AKAP9: variants seen among roughly 807,000 people sequenced by gnomAD.
The protein encoded by AKAP9 is A-kinase anchoring protein 9, also known as A-kinase anchor protein 9.
AKAP9 carries 311 observed loss-of-function variants against 488.5 expected under a neutral mutation model. The observed-to-expected ratio is 0.64, with a 90% CI of 0.58 to 0.70. The LOEUF (loss-of-function observed/expected upper bound fraction) is 0.70, where lower values mean the gene tolerates loss of function less well. Ranked by LOEUF, AKAP9 falls within the 30% of genes least tolerant of loss-of-function variation. AKAP9 has a pLI of 0.00. For synonymous variants in AKAP9, 1,462 were observed against 1,483.5 expected, an observed-to-expected ratio of 0.99 and a Z score of 0.33; for missense variants, 4,215 against 4,374.5, an observed-to-expected ratio of 0.96 and a Z score of 1.03.
intron 1 of AKAP9, among the ~76,000 whole-genome samples, chr7:91,971,805 G>A (rs1424540896): frequency 2.0e-5 from 3 of 151,254 alleles, no homozygotes; most frequent in African/African-American, 4.9e-5. Context: ...TCCTGACCTC[G>A]TGATCCTCCC....
At position 92,000,948 on chromosome 7, in the gene AKAP9, A is replaced by G. The variant is rs1434530534; in HGVS notation, c.1031A>G (p.Lys344Arg). Residue 344 changes from lysine (K) to arginine (R), a missense_variant, in exon 8 of 50, where the codon AAA (lysine) becomes AGA (arginine). Transcript: ENST00000356239. ...ACAAAAATAATAGAAGAAGAAAAGA[A>G]AACTCTTGAGCTAAAGGATAAATTA... ...LNTKIIEEEK[K>R]TLELKDKLTT... The G allele has an allele frequency of 6.6e-7, 1 of 1,506,308 alleles. No homozygotes were observed. The highest frequency in any genetic ancestry group is 1.4e-5 in the African/African-American group (1 of 70,826). 93.3% of individuals were successfully genotyped at this position (1,506,308 alleles called of 1,614,324 possible).
chr7:92,039,025 C>A (rs968906014), intron 17 of AKAP9, among the ~76,000 whole-genome samples: 1 of 152,156 alleles, frequency 6.6e-6, no homozygotes, highest in Middle Eastern at 3.2e-3. Context: ...CCTGCCTCAG[C>A]CTCCTGAGTA....
rs765976119 is a variant in AKAP9, at chr7:92,022,253, A to G, written c.3853A>G (p.Thr1285Ala). Reference sequence around the variant, plus strand: ...TTTTCAATAGATCTGGGGACAGCAGACAGATGGTATGAAACTTGAATTTGG... The same window carrying G: ...TTTTCAATAGATCTGGGGACAGCAGGCAGATGGTATGAAACTTGAATTTGG... ...TRLSKIWGQQ[T>A]DGMKLEFGEE... Residue 1285 changes from threonine (T) to alanine (A), a missense_variant, in exon 13 of 50, where the codon ACA (threonine) becomes GCA (alanine). Coordinates refer to ENST00000356239, the MANE Select transcript of AKAP9 (RefSeq NM_005751.5). 3 of 1,611,956 alleles carry G rather than the reference A, an allele frequency of 1.9e-6. No homozygotes were observed. Among genetic ancestry groups the G allele is most frequent in the Non-Finnish European group, 2.5e-6 (3 of 1,178,124 alleles).
chr7:92,047,781 T>C (rs1450837014), intron 21 of AKAP9, among the ~76,000 whole-genome samples: 1 of 152,228 alleles, frequency 6.6e-6, no homozygotes, highest in African/African-American at 2.4e-5. Flanking sequence ...GAGAAAAAGC[T>C]AAATCCACAG....
At chr7:92,022,193 G>T (rs1472549746) in intron 12 of AKAP9, 45 bp from the exon 13 acceptor site, 1 of 1,412,142 alleles carries the variant, frequency 7.1e-7, no homozygotes, top group African/African-American at 1.4e-5. Flanking sequence ...CTAATTGCTG[G>T]ATTATGTATT....
chr7:92,068,365 C>CAAAAAAAAA (rs77237109), intron 26 of AKAP9, among the ~76,000 whole-genome samples: 6 of 46,506 alleles, frequency 1.3e-4, no homozygotes, highest in Non-Finnish European at 1.9e-4. Flanking sequence ...GACTCCGTCT[C>CAAAAAAAAA]AAAAAAAAAA....
intron 28 of AKAP9, among the ~76,000 whole-genome samples, chr7:92,075,985 A>G (rs1178230321): frequency 1.3e-5 from 2 of 152,186 alleles, no homozygotes; most frequent in African/African-American, 2.4e-5. Context: ...TGCCTTAGAT[A>G]ACAGAGATGC....
chr7:92,033,443 T>G (rs1275820130), intron 16 of AKAP9, among the ~76,000 whole-genome samples: 1 of 41,430 alleles, frequency 2.4e-5, no homozygotes, highest in South Asian at 7.5e-4. Context: ...TTTTCTTTTC[T>G]TTTTTTTTTT....
At chr7:91,945,287 A>G (rs1037230287) in intron 1 of AKAP9, among the ~76,000 whole-genome samples, 1 of 152,226 alleles carries the variant, frequency 6.6e-6, no homozygotes, top group Non-Finnish European at 1.5e-5. Context: ...TGGGTGGATC[A>G]TCTGAGGTCA....
chr7:92,021,414 T>C lies in AKAP9; in HGVS notation c.3838-824T>C, dbSNP rs144877715. 5.3e-5 allele frequency among the ~76,000 whole-genome samples: 8 copies of C among 152,274 alleles called. No homozygotes were observed. The East Asian group carries it at 1.4e-3, about 26-fold the overall frequency. ...TTAGTACACACAGGTATCTGACATA[T>C]TGCTGCTTAGTTTTATGTATTTATT... On this transcript the variant is annotated intron_variant, in intron 12 of 49. Coordinates refer to ENST00000356239, the MANE Select transcript of AKAP9 (RefSeq NM_005751.5).
chr7:92,086,648 C>G (rs1013845158), intron 37 of AKAP9, among the ~76,000 whole-genome samples: 2 of 151,980 alleles, frequency 1.3e-5, no homozygotes, highest in African/African-American at 2.4e-5. Flanking sequence ...CAGAATAATC[C>G]CAAACAAATT....
rs1790663307 is a variant in AKAP9 at position 91,940,933 on chromosome 7, C to T, written c.-167C>T. The T allele has an allele frequency of 4.0e-6, 3 of 744,676 alleles. No homozygotes were observed. Among genetic ancestry groups the T allele is most frequent in the Admixed American group, 2.0e-5 (1 of 49,484 alleles). The allele number at this position is 744,676 out of a possible 1,614,324, so 46.1% of individuals were successfully genotyped here. A position where few individuals can be genotyped will look rare whatever the true frequency, so the allele number is the denominator to read the frequency against. On this transcript the variant is annotated 5_prime_UTR_variant, in exon 1 of 50. Coordinates refer to ENST00000356239, the MANE Select transcript of AKAP9 (RefSeq NM_005751.5). ...GCTTCCCGTGCGGCTGAGGACGATC[C>T]GCCAGTGAGCGCGGAGACTGCTTCC...
Position 92,086,359 on chromosome 7 carries a change from AG to A in AKAP9, c.9158del (p.Gly3053ValfsTer9), listed in dbSNP as rs1414929494. On this transcript the variant is annotated frameshift_variant, in exon 37 of 50. Coordinates refer to ENST00000356239, the MANE Select transcript of AKAP9 (RefSeq NM_005751.5). LOFTEE classifies it high-confidence loss of function. Reference protein sequence around the residue: ...AAFRTELTALGTTDAVGLLNC... With the variant: ...AAFRTELTALXTTDAVGLLNC... ...CATTTCGGACGGAGCTGACAGCTCT[AG>A]GTACTACAGATGCAGTTGGTTTACT... is the stretch of plus-strand genomic sequence containing the variant. 6.2e-7 allele frequency: 1 copy of A among 1,613,964 alleles called. No homozygotes were observed. The highest frequency in any genetic ancestry group is 8.5e-7 in the Non-Finnish European group (1 of 1,179,916).
intron 8 of AKAP9, among the ~76,000 whole-genome samples, chr7:92,011,403 C>T (rs185757955): frequency 4.6e-5 from 7 of 152,160 alleles, no homozygotes; most frequent in South Asian, 2.1e-4. Context: ...CAATATGTAC[C>T]GTATTCATAG....
At chr7:91,963,815 G>A (rs1794085266) in intron 1 of AKAP9, among the ~76,000 whole-genome samples, 1 of 152,134 alleles carries the variant, frequency 6.6e-6, no homozygotes, top group Non-Finnish European at 1.5e-5. Flanking sequence ...ACCGCGCCCA[G>A]CCATTTGTCA....
intron 1 of AKAP9, among the ~76,000 whole-genome samples, chr7:91,971,683 T>G (rs1795095986): frequency 6.9e-6 from 1 of 144,884 alleles, no homozygotes; most frequent in Non-Finnish European, 1.5e-5. Context: ...TTCTCCTGCC[T>G]CAGCCTCCCG....
intron 8 of AKAP9, among the ~76,000 whole-genome samples, chr7:92,008,158 A>G (rs1753668261): frequency 6.6e-6 from 1 of 151,934 alleles, no homozygotes; most frequent in African/African-American, 2.4e-5. Flanking sequence ...TCACAAGGTC[A>G]GGAGTTCAAG....
chr7:91,960,218 A>G (rs1402402229), intron 1 of AKAP9, among the ~76,000 whole-genome samples: 1 of 152,246 alleles, frequency 6.6e-6, no homozygotes, highest in African/African-American at 2.4e-5. Flanking sequence ...ACATTTAAGT[A>G]ATATTTTGTA....
chr7:91,954,860 T>C (rs906331343), intron 1 of AKAP9, among the ~76,000 whole-genome samples: 1 of 152,228 alleles, frequency 6.6e-6, no homozygotes, highest in African/African-American at 2.4e-5. Flanking sequence ...CTGTGCCAGC[T>C]ACTTTACTTG....
Sources: allele counts gnomAD v4.1 joint callset (sites outside exome capture counted in the v4.1 genomes callset), GRCh38; gene constraint gnomAD v4.1.1; transcripts MANE v1.5; gene names NCBI Gene and HGNC (gene_info 2026-07-23, HGNC 2026-07-21).